The following FARP2 variants were observed in gnomAD, a reference collection of about 807,000 sequenced individuals.
FARP2 encodes FERM, ARHGEF and pleckstrin domain-containing protein 2.
FARP2 carries 111 observed loss-of-function variants against 130.5 expected under a neutral mutation model. The ratio of observed to expected loss-of-function variants is 0.85; its 90% CI spans 0.73 to 1.00. FARP2 has a LOEUF of 1.00. Among genes scored for constraint, FARP2 ranks in the 50% least tolerant of loss-of-function variants. FARP2 has a pLI of 0.00. For missense variants in FARP2, 1,385 were observed against 1,346.3 expected (o/e 1.03, Z -0.45); for synonymous variants, 504 against 516.9 (o/e 0.98, Z 0.34).
intron 2 of FARP2, among the ~76,000 whole-genome samples, chr2:241,397,204 G>A (rs1008499991): frequency 2.6e-5 from 4 of 152,134 alleles, no homozygotes; most frequent in South Asian, 2.1e-4. Context: ...GGAGGGAGGA[G>A]GGATAGCATT....
intron 2 of FARP2, among the ~76,000 whole-genome samples, chr2:241,376,962 G>A (rs1365280095): frequency 3.3e-5 from 5 of 152,188 alleles, no homozygotes; most frequent in East Asian, 1.9e-4. Flanking sequence ...CTGAGTAAAC[G>A]TGTTAAATGA....
chr2:241,425,634 TAAAAAAAAAAAAAAA>T (rs1167925220), intron 8 of FARP2, among the ~76,000 whole-genome samples: 1 of 45,980 alleles, frequency 2.2e-5, no homozygotes, highest in African/African-American at 8.9e-5. Flanking sequence ...TCCTACCAAG[TAAAAAAAAAAAAAAA>T]AAAAAAAAAA....
At chr2:241,427,211 G>A (rs181760329) in intron 8 of FARP2, among the ~76,000 whole-genome samples, 2 of 152,012 alleles carry the variant, frequency 1.3e-5, no homozygotes, top group East Asian at 3.9e-4. Context: ...CTCCAGCCTG[G>A]GCAACAAGAG....
chr2:241,474,317 C>CAAAAAAAAA (rs56128645), intron 18 of FARP2, among the ~76,000 whole-genome samples: 1 of 46,652 alleles, frequency 2.1e-5, no homozygotes, highest in Non-Finnish European at 3.6e-5. Context: ...GATTCCGTCT[C>CAAAAAAAAA]AAAAAAAAAA....
intron 5 of FARP2, 92 bp downstream of exon 5, chr2:241,407,707 T>C (rs914620705): frequency 1.0e-6 from 1 of 962,098 alleles, no homozygotes; most frequent in East Asian, 2.4e-5. Context: ...AAAGAATGAA[T>C]AAGCCTGATA....
At chr2:241,419,283 C>G (rs1190857460) in intron 8 of FARP2, among the ~76,000 whole-genome samples, 1 of 152,038 alleles carries the variant, frequency 6.6e-6, no homozygotes, top group Non-Finnish European at 1.5e-5. Flanking sequence ...GCAATCCATG[C>G]CTTCAGGTGG....
intron 10 of FARP2, 61 bp from the exon 11 acceptor site, chr2:241,434,901 A>T: frequency 2.0e-6 from 2 of 994,666 alleles, no homozygotes; most frequent in Non-Finnish European, 3.2e-6. Context: ...TTTGTCTTTT[A>T]CTCTGAAAAA....
intron 1 of FARP2, among the ~76,000 whole-genome samples, chr2:241,372,307 G>A (rs941470842): frequency 6.6e-6 from 1 of 152,054 alleles, no homozygotes; most frequent in Non-Finnish European, 1.5e-5. Context: ...GCCTGACCAG[G>A]GGCAGGTGCC....
intron 19 of FARP2, among the ~76,000 whole-genome samples, chr2:241,481,899 G>A (rs3821285): frequency 0.18 from 27,119 of 152,192 alleles, 2,838 homozygotes; most frequent in Admixed American, 0.35. Flanking sequence ...AGGATGAACA[G>A]GGAATCTATG....
At chr2:241,398,434 C>T (rs1305413950) in intron 2 of FARP2, among the ~76,000 whole-genome samples, 1 of 152,148 alleles carries the variant, frequency 6.6e-6, no homozygotes, top group Non-Finnish European at 1.5e-5. Context: ...GTTGGTATAG[C>T]TGTGGTTTGC....
intron 8 of FARP2, among the ~76,000 whole-genome samples, chr2:241,420,926 CGAA>C (rs1553719111): frequency 5.3e-5 from 8 of 152,118 alleles, no homozygotes; most frequent in Non-Finnish European, 1.2e-4. Context: ...ACACCACTCA[CGAA>C]GAGGAAAGAA....
In FARP2 at chr2:241,406,115, A is replaced by G. The variant is rs533943409; in HGVS notation, c.331+1274A>G. Among the ~76,000 whole-genome samples the G allele has an allele frequency of 7.2e-5, 11 of 152,176 alleles. No individual in the cohort carries two copies. In the East Asian group the frequency reaches 1.2e-3, roughly 16 times the overall value. On this transcript the variant is annotated intron_variant, in intron 4 of 26. Transcript: ENST00000264042. ...TCAGGAGATCGAGACCATCCTGGCT[A>G]ACATGGTGAAACTCCGCCTCTACTA...
At chr2:241,435,510 ATTTTT>A (rs374376821) in intron 11 of FARP2, among the ~76,000 whole-genome samples, 1 of 134,536 alleles carries the variant, frequency 7.4e-6, no homozygotes. Flanking sequence ...TGGATTTGTA[ATTTTT>A]TTTTTTTTTT....
At chr2:241,434,907 A>C in intron 10 of FARP2, 55 bp from the exon 11 acceptor site, 1 of 1,067,122 alleles carries the variant, frequency 9.4e-7, no homozygotes, top group Non-Finnish European at 1.4e-6. Context: ...TTTTACTCTG[A>C]AAAATTAATG....
intron 12 of FARP2, among the ~76,000 whole-genome samples, chr2:241,437,658 A>ATTTTTTTTTT (rs1478318608): frequency 3.7e-5 from 5 of 134,344 alleles, no homozygotes; most frequent in African/African-American, 1.3e-4. Context: ...ATATTTATTT[A>ATTTTTTTTTT]TTTATTTATT....
chr2:241,397,831 C>CTT (rs397868255), intron 2 of FARP2, among the ~76,000 whole-genome samples: 11,372 of 122,592 alleles, frequency 0.093, 624 homozygotes, highest in Middle Eastern at 0.12. Flanking sequence ...ACCTTTTTTC[C>CTT]TTTTTTTTTT....
chr2:241,462,195 A>G (rs987408478), intron 14 of FARP2, among the ~76,000 whole-genome samples: 1 of 152,232 alleles, frequency 6.6e-6, no homozygotes, highest in Non-Finnish European at 1.5e-5. Context: ...TTAATAATTT[A>G]TAAGCACACA....
In FARP2 at chr2:241,490,217, G is replaced by A. The variant is rs3821288; in HGVS notation, c.2504+173G>A. The stretch of plus-strand genomic sequence containing the variant: ...GTCACACAACCAAAGGAGCAGCCTC[G>A]CCCTTGTCAGGGGCAGGGCTGCTTG... On this transcript the variant is annotated intron_variant, in intron 22 of 26. Transcript: ENST00000264042. Among the ~76,000 whole-genome samples the A allele has an allele frequency of 7.1e-3, 1,075 of 152,244 alleles. 30 individuals are homozygous for A. In the South Asian group the frequency reaches 0.073, roughly 10 times the overall value.
rs938875670 is a variant in FARP2 at position 241,375,005 on chromosome 2, G to A, written c.183+1715G>A. Among the ~76,000 whole-genome samples the A allele has an allele frequency of 1.4e-4, 21 of 152,242 alleles. No homozygotes were observed. The East Asian group carries it at 3.5e-3, about 25-fold the overall frequency. ...CCTGTCACCCAGGCTGGAGTGCCAC[G>A]GCATGATCTCGGCTCACTGCAAGCT... is the stretch of plus-strand genomic sequence containing the variant. On this transcript the variant is annotated intron_variant, in intron 2 of 26. Transcript: ENST00000264042.
Sources: gnomAD v4.1 joint callset for allele counts (sites outside exome capture counted in the v4.1 genomes callset) on GRCh38, gnomAD v4.1.1 for gene constraint, MANE v1.5 for transcripts, NCBI Gene and HGNC (gene_info 2026-07-23, HGNC 2026-07-21) for gene names.